DET1: variants seen among roughly 807,000 people sequenced by gnomAD.
DET1 encodes DET1 homolog.
A neutral mutation model predicts 43.7 loss-of-function variants in DET1; 22 were observed. The ratio of observed to expected loss-of-function variants is 0.50; its 90% confidence interval spans 0.36 to 0.72. The LOEUF is 0.72. Among genes scored for constraint, DET1 ranks in the 30% least tolerant of loss-of-function variants. DET1 has a pLI of 0.00. For missense variants in DET1, 713 were observed against 713.3 expected (o/e 1.00, Z 0.00); for synonymous variants, 315 against 266.2 (o/e 1.18, Z -1.79).
chr15:88,512,754 A>T lies in DET1; in HGVS notation c.*197T>A. On this transcript the variant is annotated 3_prime_UTR_variant, in exon 5 of 5. Transcript: ENST00000268148. ...AACGCAAGAGGATATTATAACAATCAGTAGCAGTATTGTATACAATTTAAA... is the reference window on the plus strand; with the variant it reads ...AACGCAAGAGGATATTATAACAATCTGTAGCAGTATTGTATACAATTTAAA... 7.6e-7 allele frequency: 1 copy of T among 1,311,800 alleles called. No individual in the cohort carries two copies. Among genetic ancestry groups the T allele is most frequent in the Admixed American group, 3.6e-5 (1 of 28,120 alleles). The allele number at this position is 1,311,800 out of a possible 1,614,324, so 81.3% of individuals were successfully genotyped here. A position where few individuals can be genotyped will look rare whatever the true frequency, so the allele number is the denominator to read the frequency against.
rs1491544233 is a variant in DET1 at position 88,515,538 on chromosome 15, T to TAAAAAAAAAAAAAAAAAAAAAAAA, written c.1463+1243_1463+1244insTTTTTTTTTTTTTTTTTTTTTTTT. On this transcript the variant is annotated intron_variant, in intron 4 of 4. Coordinates refer to ENST00000268148, the MANE Select transcript of DET1 (RefSeq NM_001144074.3). ...TGGGCAACAGACAGAGACTCCGTCT[T>TAAAAAAAAAAAAAAAAAAAAAAAA]ATAAAAAAAAAAAAAAAAAAAAAAA... Among the ~76,000 whole-genome samples, 2 of 47,466 alleles carry TAAAAAAAAAAAAAAAAAAAAAAAA rather than the reference T, an allele frequency of 4.2e-5. 1 individual carries two copies. Among genetic ancestry groups the TAAAAAAAAAAAAAAAAAAAAAAAA allele is most frequent in the Non-Finnish European group, 6.9e-5 (2 of 29,194 alleles). 31.1% of individuals were successfully genotyped at this position (47,466 alleles called of 152,430 possible).
At chr15:88,544,925 C>A (rs146588844) in intron 1 of DET1, among the ~76,000 whole-genome samples, 1 of 152,102 alleles carries the variant, frequency 6.6e-6, no homozygotes, top group Non-Finnish European at 1.5e-5. Flanking sequence ...CAGGAAGTGT[C>A]GACCTTGTAG....
chr15:88,542,842 T>C (rs1301869610), intron 1 of DET1, among the ~76,000 whole-genome samples: 1 of 152,106 alleles, frequency 6.6e-6, no homozygotes, highest in Admixed American at 6.6e-5. Context: ...AAAAGACCAA[T>C]GTGCCTATTG....
At position 88,531,304 on chromosome 15, in the gene DET1, C is replaced by A. The variant is rs576339465; in HGVS notation, c.402G>T (p.Ala134=). 1 of 1,613,798 alleles carries A rather than the reference C, an allele frequency of 6.2e-7. No homozygotes were observed. Among genetic ancestry groups the A allele is most frequent in the African/African-American group, 1.3e-5 (1 of 74,894 alleles). Residue 134 remains alanine (A), a synonymous_variant, in exon 2 of 5, where the codon GCG becomes GCT. Coordinates refer to ENST00000268148, the MANE Select transcript of DET1 (RefSeq NM_001144074.3). This position sits in a 1 kb window ranked among gnomAD's most constrained non-coding sequence, Gnocchi z 6.2. ...CCCGGTTCAGGTGCTCACCATTGGC[C>A]GCAACATTGGTAATGTGCAGCAGGA... ...FFVLLHITNV[A]ANGEHLNREC... is the part of the protein sequence containing the mutation.
chr15:88,537,742 C>T (rs146490657), intron 1 of DET1, among the ~76,000 whole-genome samples: 367 of 152,298 alleles, frequency 2.4e-3, no homozygotes, highest in Middle Eastern at 6.8e-3. Flanking sequence ...ACCTGTCTAA[C>T]GGGAAGTTCT....
At chr15:88,523,189 T>A (rs1267110304) in intron 3 of DET1, among the ~76,000 whole-genome samples, 1 of 152,118 alleles carries the variant, frequency 6.6e-6, no homozygotes, top group African/African-American at 2.4e-5. Flanking sequence ...TTCCTTACTC[T>A]TTATTCTTTA....
intron 3 of DET1, among the ~76,000 whole-genome samples, chr15:88,523,647 G>A (rs2056566959): frequency 6.6e-6 from 1 of 152,210 alleles, no homozygotes; most frequent in Admixed American, 6.5e-5. Flanking sequence ...TGCTGTGTTG[G>A]CCGGGCTGGT....
intron 3 of DET1, among the ~76,000 whole-genome samples, chr15:88,523,575 G>C (rs1246662025): frequency 1.3e-5 from 2 of 152,148 alleles, no homozygotes; most frequent in African/African-American, 4.8e-5. Context: ...GAGTGCCTGG[G>C]ATTGCAGGCG....
In DET1 at chr15:88,546,660, G is replaced by T. The variant is rs542034636; in HGVS notation, c.-131C>A. ...CCTGCACCCGCGGCTGCACGTTCCCGTTTCCGCCAGCCACCGGAACTGCGG... is the reference window on the plus strand; with the variant it reads ...CCTGCACCCGCGGCTGCACGTTCCCTTTTCCGCCAGCCACCGGAACTGCGG... On this transcript the variant is annotated 5_prime_UTR_variant, in exon 1 of 5. Coordinates refer to ENST00000268148, the MANE Select transcript of DET1 (RefSeq NM_001144074.3). 6.8e-6 allele frequency: 1 copy of T among 147,144 alleles called. No homozygotes were observed. The highest frequency in any genetic ancestry group is 2.5e-5 in the African/African-American group (1 of 40,390). 9.1% of individuals were successfully genotyped at this position (147,144 alleles called of 1,614,324 possible). A position where few individuals can be genotyped will look rare whatever the true frequency, so the allele number is the denominator to read the frequency against.
chr15:88,535,235 A>G (rs1435159813), intron 1 of DET1, among the ~76,000 whole-genome samples: 3 of 152,188 alleles, frequency 2.0e-5, no homozygotes, highest in African/African-American at 7.2e-5. Flanking sequence ...AAAAAGAATA[A>G]AAAACTCACT....
At chr15:88,522,380 T>C (rs1300859696) in intron 3 of DET1, among the ~76,000 whole-genome samples, 1 of 148,384 alleles carries the variant, frequency 6.7e-6, no homozygotes, top group Non-Finnish European at 1.5e-5. Flanking sequence ...AGGTACTCTA[T>C]TTTTTTTTTA....
chr15:88,546,443 G>T (rs2057258730), intron 1 of DET1, 97 bp downstream of exon 1: 1 of 152,446 alleles, frequency 6.6e-6, no homozygotes, highest in Admixed American at 6.5e-5. Context: ...GAGGGCGGGG[G>T]CCGCGGGGCC....
chr15:88,522,512 G>GTTTTTT (rs55764530), intron 3 of DET1, among the ~76,000 whole-genome samples: 3 of 80,258 alleles, frequency 3.7e-5, no homozygotes, highest in Non-Finnish European at 2.3e-5. Context: ...AATGTTCCTG[G>GTTTTTT]TTTTTTTTTT....
chr15:88,525,338 A>G (rs558782052), intron 3 of DET1, among the ~76,000 whole-genome samples: 2 of 152,186 alleles, frequency 1.3e-5, no homozygotes, highest in Non-Finnish European at 2.9e-5. Context: ...CAATTTTTCA[A>G]AATCTTTTGG....
At chr15:88,514,042 G>A (rs919424235) in intron 4 of DET1, among the ~76,000 whole-genome samples, 1 of 151,480 alleles carries the variant, frequency 6.6e-6, no homozygotes, top group Non-Finnish European at 1.5e-5. Context: ...CTCGTGATCC[G>A]CCCGCCTCGG....
At chr15:88,521,044 G>T (rs1296532492) in intron 3 of DET1, among the ~76,000 whole-genome samples, 1 of 152,136 alleles carries the variant, frequency 6.6e-6, no homozygotes, top group Non-Finnish European at 1.5e-5. Context: ...CTCATCTATA[G>T]TTAAAGCCAA....
At position 88,531,619 on chromosome 15, in the gene DET1, T is replaced by C. The variant is rs776385459; in HGVS notation, c.87A>G (p.Ser29=). 1.2e-5 allele frequency: 19 copies of C among 1,613,934 alleles called. No homozygotes were observed. Among genetic ancestry groups the C allele is most frequent in the Non-Finnish European group, 1.4e-5 (17 of 1,179,906 alleles). Residue 29 remains serine (S), a synonymous_variant, in exon 2 of 5, where the codon TCA becomes TCG. Transcript: ENST00000268148. This position sits in a 1 kb window ranked among gnomAD's most constrained non-coding sequence, Gnocchi z 6.2. ...IHRLERRRIS[S]GKAGTHWHQV... is the part of the protein sequence containing the mutation. ...GGTGCCAGTGGGTACCTGCCTTGCC[T>C]GAACTGATCCGCCGGCGTTCCAAGC...
intron 1 of DET1, among the ~76,000 whole-genome samples, chr15:88,532,940 G>A (rs1009600463): frequency 5.9e-5 from 9 of 152,082 alleles, no homozygotes; most frequent in African/African-American, 1.9e-4. Flanking sequence ...ATAGACAAAT[G>A]GGAATACATC....
At position 88,531,434 on chromosome 15, in the gene DET1, T is replaced by G. The variant is rs765834815; in HGVS notation, c.272A>C (p.Gln91Pro). The part of the protein sequence containing the change: ...SLEIYEYQGC[Q>P]AAEDLLQGYE... ...TCCCTGCAGTAGGTCCTCTGCTGCC[T>G]GGCAGCCCTGGTACTCATAGATTTC... Residue 91 changes from glutamine to proline, a missense_variant, in exon 2 of 5, where the codon CAG becomes CCG. Coordinates refer to ENST00000268148, the MANE Select transcript of DET1 (RefSeq NM_001144074.3). The surrounding 1 kb of genome is among the most constrained non-coding windows in gnomAD (Gnocchi z 6.2). 5 of 1,613,926 alleles carry G rather than the reference T, an allele frequency of 3.1e-6. No homozygotes were observed. The highest frequency in any genetic ancestry group is 4.2e-6 in the Non-Finnish European group (5 of 1,179,900).
Sources: gnomAD v4.1 joint callset for allele counts (sites outside exome capture counted in the v4.1 genomes callset) on GRCh38, gnomAD v4.1.1 for gene constraint, Gnocchi (gnomAD v3.1) non-coding constraint, MANE v1.5 for transcripts, NCBI Gene and HGNC (gene_info 2026-07-23, HGNC 2026-07-21) for gene names.